Variants in WWOX observed in about 807,000 individuals in gnomAD.
The protein encoded by WWOX is WW domain-containing oxidoreductase.
A neutral mutation model predicts 46.2 loss-of-function variants in WWOX; 69 were observed. That is an observed-to-expected ratio of 1.49 (90% CI 1.23 to 1.82). The LOEUF (loss-of-function observed/expected upper bound fraction) is 1.82, where lower values mean the gene tolerates loss of function less well. Ranked by LOEUF, WWOX falls within the 40% of genes most tolerant of loss-of-function variation. The probability of loss-of-function intolerance (pLI) is 0.00; values close to 1 mark genes in which losing one functional copy is unlikely to be tolerated. For missense variants in WWOX, 919 were observed against 542.6 expected, an observed-to-expected ratio of 1.69 and a Z score of -6.89; for synonymous variants, 359 against 202.6, an observed-to-expected ratio of 1.77 and a Z score of -6.56.
intron 8 of WWOX, among the ~76,000 whole-genome samples, chr16:78,950,037 C>CCTTGGAAAG (rs1567669811): frequency 1.7e-4 from 26 of 152,192 alleles, no homozygotes; most frequent in Admixed American, 5.9e-4. Flanking sequence ...GGCTGTGCAG[C>CCTTGGAAAG]TCTAGGTCTA....
chr16:78,483,107 A>G (rs950758290), intron 8 of WWOX, among the ~76,000 whole-genome samples: 10 of 152,092 alleles, frequency 6.6e-5, no homozygotes, highest in African/African-American at 1.7e-4. Context: ...TTGCAAAGTC[A>G]AGTTGGAGAT....
intron 8 of WWOX, among the ~76,000 whole-genome samples, chr16:78,856,897 A>G (rs910221389): frequency 2.0e-5 from 3 of 152,316 alleles, no homozygotes; most frequent in South Asian, 4.1e-4. Context: ...ACAATCCTAG[A>G]TGGTATAACC....
chr16:78,938,616 A>T (rs543186839), intron 8 of WWOX, among the ~76,000 whole-genome samples: 2 of 152,030 alleles, frequency 1.3e-5, no homozygotes, highest in African/African-American at 4.8e-5. Context: ...TTATTCATTC[A>T]TTTGTTCATT....
chr16:78,500,078 A>G (rs1280722151), intron 8 of WWOX, among the ~76,000 whole-genome samples: 1 of 152,192 alleles, frequency 6.6e-6, no homozygotes, highest in African/African-American at 2.4e-5. Context: ...AAAGCAGACT[A>G]GCATGGTTCA....
At chr16:78,575,616 T>A (rs1163970692) in intron 8 of WWOX, among the ~76,000 whole-genome samples, 2 of 152,170 alleles carry the variant, frequency 1.3e-5, no homozygotes, top group Admixed American at 1.3e-4. Context: ...GCATATTTAA[T>A]AAGCACCTAC....
intron 8 of WWOX, among the ~76,000 whole-genome samples, chr16:78,955,424 C>A (rs2046145339): frequency 6.6e-6 from 1 of 152,018 alleles, no homozygotes; most frequent in Non-Finnish European, 1.5e-5. Flanking sequence ...ATTCAGAGTC[C>A]CAGAGAGCTT....
intron 8 of WWOX, among the ~76,000 whole-genome samples, chr16:79,158,046 C>T (rs1237918989): frequency 6.6e-6 from 1 of 152,112 alleles, no homozygotes; most frequent in Admixed American, 6.5e-5. Context: ...TTGTTTGCTG[C>T]CTCTAGGAAT....
At chr16:79,186,049 T>C (rs1489628875) in intron 8 of WWOX, among the ~76,000 whole-genome samples, 1 of 152,114 alleles carries the variant, frequency 6.6e-6, no homozygotes, top group Non-Finnish European at 1.5e-5. Flanking sequence ...CTTTTTCACA[T>C]GGCCTGTATT....
At chr16:78,656,822 T>C (rs897713331) in intron 8 of WWOX, among the ~76,000 whole-genome samples, 4 of 152,070 alleles carry the variant, frequency 2.6e-5, no homozygotes, top group Admixed American at 6.5e-5. Flanking sequence ...CACAGAAGAC[T>C]GGTGAGTTCT....
chr16:78,565,745 G>A (rs1018631579), intron 8 of WWOX, among the ~76,000 whole-genome samples: 5 of 152,122 alleles, frequency 3.3e-5, no homozygotes, highest in Admixed American at 3.3e-4. Flanking sequence ...CATCCATAGA[G>A]CAGGGATAAC....
At chr16:78,665,739 T>C (rs978685488) in intron 8 of WWOX, among the ~76,000 whole-genome samples, 3 of 152,080 alleles carry the variant, frequency 2.0e-5, no homozygotes, top group African/African-American at 4.8e-5. Flanking sequence ...GGCTGTAGTG[T>C]AGTGATTCCA....
chr16:78,627,371 C>G lies in WWOX; in HGVS notation c.1056+194619C>G, dbSNP rs557508983. Among the ~76,000 whole-genome samples, 104 of 152,236 alleles carry G rather than the reference C, an allele frequency of 6.8e-4. No homozygotes were observed. The South Asian group carries it at 0.017, about 25-fold the overall frequency. On this transcript the variant is annotated intron_variant, in intron 8 of 8. Transcript: ENST00000566780. Reference sequence around the variant, plus strand: ...CCTGAATCCTAATTTTGGCTTAACCCCAAACTTGGGCGATTCAGTTTTACC... The same window carrying G: ...CCTGAATCCTAATTTTGGCTTAACCGCAAACTTGGGCGATTCAGTTTTACC...
At chr16:78,250,771 C>T (rs554343664) in intron 5 of WWOX, among the ~76,000 whole-genome samples, 1 of 152,244 alleles carries the variant, frequency 6.6e-6, no homozygotes, top group Non-Finnish European at 1.5e-5. Flanking sequence ...TCCCTACAGT[C>T]CAGTGGTGGC....
chr16:78,629,602 C>G (rs1401691553), intron 8 of WWOX, among the ~76,000 whole-genome samples: 1 of 152,210 alleles, frequency 6.6e-6, no homozygotes, highest in Non-Finnish European at 1.5e-5. Context: ...CTGCAGCTTA[C>G]TTTGTACCAC....
intron 6 of WWOX, among the ~76,000 whole-genome samples, chr16:78,398,438 G>C (rs1841115501): frequency 6.6e-6 from 1 of 152,178 alleles, no homozygotes; most frequent in African/African-American, 2.4e-5. Flanking sequence ...GGGTAGTTAG[G>C]ATGGCAAGAG....
At chr16:78,187,586 C>A (rs2151760134) in intron 5 of WWOX, among the ~76,000 whole-genome samples, 1 of 152,220 alleles carries the variant, frequency 6.6e-6, no homozygotes, top group South Asian at 2.1e-4. Context: ...CTGGTCCACA[C>A]ACAGAGTGAG....
At chr16:78,906,601 A>C (rs1274886694) in intron 8 of WWOX, among the ~76,000 whole-genome samples, 2 of 152,162 alleles carry the variant, frequency 1.3e-5, no homozygotes, top group Non-Finnish European at 2.9e-5. Flanking sequence ...GAACCTGGAG[A>C]AGTCAGGAGA....
At chr16:78,762,219 C>G (rs1355438050) in intron 8 of WWOX, among the ~76,000 whole-genome samples, 1 of 152,146 alleles carries the variant, frequency 6.6e-6, no homozygotes, top group Non-Finnish European at 1.5e-5. Context: ...CAGCCAAGAG[C>G]ATACAGCAGC....
intron 8 of WWOX, among the ~76,000 whole-genome samples, chr16:78,772,577 T>C (rs888868640): frequency 6.6e-6 from 1 of 152,232 alleles, no homozygotes; most frequent in Admixed American, 6.5e-5. Context: ...AGGTAACAAA[T>C]ACTTTGGAAG....
Sources: gnomAD v4.1 joint callset for allele counts (sites outside exome capture counted in the v4.1 genomes callset) on GRCh38, gnomAD v4.1.1 for gene constraint, MANE v1.5 for transcripts, NCBI Gene and HGNC (gene_info 2026-07-23, HGNC 2026-07-21) for gene names.